The following HHIPL1 variants were observed in gnomAD, a reference collection of about 807,000 sequenced individuals.
HHIPL1 encodes HHIP like 1.
HHIPL1 carries 43 observed loss-of-function variants against 61.8 expected under a neutral mutation model. That is an observed-to-expected ratio of 0.70 (90% confidence interval 0.55 to 0.90). The LOEUF is 0.90. HHIPL1 is among the 40% of genes least tolerant of loss of function. The pLI is 0.00. For synonymous variants in HHIPL1, 482 were observed against 515.8 expected, an observed-to-expected ratio of 0.93 and a Z score of 0.89; for missense variants, 1,056 against 1,157.7, an observed-to-expected ratio of 0.91 and a Z score of 1.28.
Position 99,675,239 on chromosome 14 carries a change from C to A in HHIPL1, c.1962C>A (p.Gly654=). 1 of 1,215,570 alleles carries A rather than the reference C, an allele frequency of 8.2e-7. No homozygotes were observed. The highest frequency in any genetic ancestry group is 1.0e-6 in the Non-Finnish European group (1 of 978,014). 75.3% of individuals were successfully genotyped at this position (1,215,570 alleles called of 1,614,324 possible). A position where few individuals can be genotyped will look rare whatever the true frequency, so the allele number is the denominator to read the frequency against. ...PTQQPGSRRG[G]GRRRGRLNSA... is the part of the protein sequence containing the mutation. ...AGCAGCCAGGGAGCCGGAGGGGCGG[C>A]GGGCGGCGGCGGGGGCGGCTGAACT... The change falls in exon 9 of 9, where the codon GGC becomes GGA. Residue 654 remains glycine (G), a synonymous_variant. Coordinates refer to ENST00000330710, the MANE Select transcript of HHIPL1 (RefSeq NM_001127258.3). The surrounding 1 kb of genome is among the most constrained non-coding windows in gnomAD (Gnocchi z 5.4).
At chr14:99,639,818 C>T in the HHIPL1 span, among the ~76,000 whole-genome samples, 3 of 151,002 alleles carry the variant, frequency 2.0e-5, no homozygotes, top group Non-Finnish European at 4.4e-5. Context: ...CGCGCTACCA[C>T]GCCCGGCTAA....
the HHIPL1 span, among the ~76,000 whole-genome samples, chr14:99,630,390 G>C: frequency 6.6e-6 from 1 of 152,178 alleles, no homozygotes; most frequent in Admixed American, 6.5e-5. Flanking sequence ...GAAAGGCCTT[G>C]GCCTCCAAGG....
At position 99,668,854 on chromosome 14, in the gene HHIPL1, C is replaced by G. The variant is rs2056291747; in HGVS notation, c.1730+551C>G. 1 of 1,614,002 alleles carries G rather than the reference C, an allele frequency of 6.2e-7. No homozygotes were observed. The highest frequency in any genetic ancestry group is 2.2e-5 in the East Asian group (1 of 44,874). ...TAGCTGTAAGGCCAGAAGCGCCATG[C>G]CCGGCTATGTCCCAGCTCCTTCCGT... On this transcript the variant is annotated intron_variant, in intron 7 of 8. Transcript: ENST00000330710. The surrounding 1 kb of genome is among the most constrained non-coding windows in gnomAD (Gnocchi z 4.7).
the HHIPL1 span, among the ~76,000 whole-genome samples, chr14:99,605,209 T>G: frequency 6.6e-6 from 1 of 151,912 alleles, no homozygotes; most frequent in African/African-American, 2.4e-5. Context: ...GGTGGGAAGG[T>G]CTCCCACTGG....
At chr14:99,653,915 G>A (rs760914347) in intron 2 of HHIPL1, among the ~76,000 whole-genome samples, 3 of 152,238 alleles carry the variant, frequency 2.0e-5, no homozygotes, top group Middle Eastern at 3.2e-3. Flanking sequence ...GGGCTCAGAC[G>A]CAGTGGCTCA....
At chr14:99,611,599 T>G in the HHIPL1 span, among the ~76,000 whole-genome samples, 5 of 146,668 alleles carry the variant, frequency 3.4e-5, no homozygotes, top group Admixed American at 1.4e-4. Context: ...TTTTTTTTTT[T>G]TTTTTTTAAA....
chr14:99,624,281 T>A, the HHIPL1 span, among the ~76,000 whole-genome samples: 21 of 152,084 alleles, frequency 1.4e-4, no homozygotes, highest in African/African-American at 5.1e-4. Flanking sequence ...CGGGCCTGGG[T>A]TCAGGAGCAG....
rs749052201 is a variant in HHIPL1 at position 99,677,829 on chromosome 14, T to C, written c.*2203T>C. The C allele has an allele frequency of 6.6e-6, 1 of 151,872 alleles. No homozygotes were observed. The highest frequency in any genetic ancestry group is 1.5e-5 in the Non-Finnish European group (1 of 68,014). The allele number at this position is 151,872 out of a possible 1,614,324, so 9.4% of individuals were successfully genotyped here. ...GGGCAGTTCGGGCTTTGGCCTTCAG[T>C]CTTCCAGGCCAGGCGCTCTTCCTCC... On this transcript the variant is annotated 3_prime_UTR_variant, in exon 9 of 9. Transcript: ENST00000330710. The surrounding 1 kb of genome is among the most constrained non-coding windows in gnomAD (Gnocchi z 4.3).
rs1228079576 is a variant in HHIPL1 at position 99,645,447 on chromosome 14, G to T, written c.240G>T (p.Arg80Ser). ...GGGCCGCGTGCGCCGGCTACGCGAG[G>T]GACCTGCTGTGCCAGGTGAGCGGGC... ...AEWAACAGYA[R>S]DLLCQECSPY... The change falls in exon 1 of 9, where the codon AGG (arginine) becomes AGT (serine). Residue 80 changes from arginine to serine, a missense_variant. Arg to Ser is a moderately radical substitution (Grantham distance 110). Coordinates refer to ENST00000330710, the MANE Select transcript of HHIPL1 (RefSeq NM_001127258.3). 3.0e-6 allele frequency: 4 copies of T among 1,332,374 alleles called. No homozygotes were observed. The highest frequency in any genetic ancestry group is 7.8e-5 in the Admixed American group (2 of 25,574). The allele number at this position is 1,332,374 out of a possible 1,614,324, so 82.5% of individuals were successfully genotyped here.
At chr14:99,642,761 T>C (rs1566802591), upstream of HHIPL1, among the ~76,000 whole-genome samples, 3 of 152,082 alleles carry the variant, frequency 2.0e-5, no homozygotes, top group East Asian at 5.8e-4. Flanking sequence ...CCTGACATCG[T>C]GATCCGCCCA....
the HHIPL1 span, among the ~76,000 whole-genome samples, chr14:99,610,762 A>AG: frequency 6.6e-6 from 1 of 151,664 alleles, no homozygotes; most frequent in Non-Finnish European, 1.5e-5. Flanking sequence ...CTCCACCTCA[A>AG]AAAAAAATAG....
At chr14:99,625,454 A>C in the HHIPL1 span, 1 of 152,236 alleles carries the variant, frequency 6.6e-6, no homozygotes, top group Non-Finnish European at 1.5e-5. Flanking sequence ...ATTATTGTGG[A>C]GGGCTGTTCT....
At chr14:99,672,535 C>A in intron 8 of HHIPL1, 136 bp downstream of exon 8, 1 of 694,158 alleles carries the variant, frequency 1.4e-6, no homozygotes, top group Non-Finnish European at 2.6e-6. Context: ...TAGCACTGTG[C>A]CTGGCACACA....
chr14:99,655,435 C>A (rs7342498), intron 2 of HHIPL1, among the ~76,000 whole-genome samples: 67,384 of 151,734 alleles, frequency 0.44, 15,422 homozygotes, highest in East Asian at 0.57. Context: ...CAGCCTGGGC[C>A]ACACACTGAG....
At chr14:99,626,953 T>C in the HHIPL1 span, among the ~76,000 whole-genome samples, 1 of 152,154 alleles carries the variant, frequency 6.6e-6, no homozygotes, top group Non-Finnish European at 1.5e-5. Flanking sequence ...AATATGTCAC[T>C]GAATGGCTCA....
At chr14:99,651,075 C>T (rs2055922377) in intron 1 of HHIPL1, among the ~76,000 whole-genome samples, 4 of 152,264 alleles carry the variant, frequency 2.6e-5, no homozygotes, top group African/African-American at 9.6e-5. Flanking sequence ...ATGGCAAAAC[C>T]CCATCTCTAC....
At position 99,645,425 on chromosome 14, in the gene HHIPL1, C is replaced by T; in HGVS notation, c.218C>T (p.Ala73Val). Residue 73 changes from alanine (A) to valine (V), a missense_variant, in exon 1 of 9, where the codon GCC becomes GTC. Physicochemically the swap from Ala to Val is moderately conservative, Grantham distance 64. Coordinates refer to ENST00000330710, the MANE Select transcript of HHIPL1 (RefSeq NM_001127258.3). ...AGCCGCGTGGACGCCGCCGAGTGGG[C>T]CGCGTGCGCCGGCTACGCGAGGGAC... ...LASRVDAAEW[A>V]ACAGYARDLL... 1 of 1,367,464 alleles carries T rather than the reference C, an allele frequency of 7.3e-7. No individual in the cohort carries two copies. 84.7% of individuals were successfully genotyped at this position (1,367,464 alleles called of 1,614,324 possible). A position where few individuals can be genotyped will look rare whatever the true frequency, so the allele number is the denominator to read the frequency against.
upstream of HHIPL1, among the ~76,000 whole-genome samples, chr14:99,640,950 G>A (rs191296651): frequency 5.8e-4 from 78 of 134,644 alleles, no homozygotes; most frequent in African/African-American, 2.0e-3. Flanking sequence ...GCAATGGTGC[G>A]ATCTTGGCTC....
the HHIPL1 span, among the ~76,000 whole-genome samples, chr14:99,634,201 T>C: frequency 6.6e-6 from 1 of 152,020 alleles, no homozygotes; most frequent in Non-Finnish European, 1.5e-5. Context: ...AGAGGGCACG[T>C]ATGTGTCTGT....
Sources: gnomAD v4.1 joint callset for allele counts (sites outside exome capture counted in the v4.1 genomes callset) on GRCh38, gnomAD v4.1.1 for gene constraint, Gnocchi (gnomAD v3.1) non-coding constraint, MANE v1.5 for transcripts, NCBI Gene and HGNC (gene_info 2026-07-23, HGNC 2026-07-21) for gene names.